ANKRD36C: variants seen among roughly 807,000 people sequenced by gnomAD.
ANKRD36C encodes the protein ankyrin repeat domain 36C.
A neutral mutation model predicts 276.4 loss-of-function variants in ANKRD36C; 61 were observed. The ratio of observed to expected loss-of-function variants is 0.22; its 90% CI spans 0.18 to 0.27. The LOEUF (loss-of-function observed/expected upper bound fraction) is 0.27. Ranked by LOEUF, ANKRD36C falls within the 10% of genes least tolerant of loss-of-function variation. ANKRD36C has a pLI of 1.00. For missense variants in ANKRD36C, 1,447 were observed against 2,032.3 expected, an observed-to-expected ratio of 0.71 and a Z score of 5.54; for synonymous variants, 483 against 680.1, an observed-to-expected ratio of 0.71 and a Z score of 4.51.
chr2:95,903,223 C>G (rs1676709257), intron 42 of ANKRD36C, 142 bp from the exon 53 acceptor site: 3 of 1,397,978 alleles, frequency 2.1e-6, no homozygotes, highest in African/African-American at 1.4e-5. Flanking sequence ...TGTCTGGGGA[C>G]TAGAACATGA....
At chr2:95,939,877 C>T (rs1212046533) in intron 20 of ANKRD36C, among the ~76,000 whole-genome samples, 1 of 152,226 alleles carries the variant, frequency 6.6e-6, no homozygotes, top group South Asian at 2.1e-4. Flanking sequence ...AACTTTAGTT[C>T]TCTTGCCATC....
intron 60 of ANKRD36C, among the ~76,000 whole-genome samples, chr2:95,860,321 TA>T (rs976290154): frequency 4.3e-3 from 580 of 133,666 alleles, no homozygotes; most frequent in Middle Eastern, 0.014. Flanking sequence ...ATAGGTCCTG[TA>T]AAAAAAAAAA....
Position 95,910,634 on chromosome 2 carries a change from G to A in ANKRD36C, c.2653+1610C>T, listed in dbSNP as rs1305098408. On this transcript the variant is annotated intron_variant, in intron 42 of 66. Coordinates refer to ENST00000456556, the Ensembl canonical transcript of ANKRD36C. Reference sequence around the variant, plus strand: ...ATGACAAAGATATCCATACATTCATGCAGCGTTAGCATCAAACTCTGTCCT... The same window carrying A: ...ATGACAAAGATATCCATACATTCATACAGCGTTAGCATCAAACTCTGTCCT... 6 of 1,597,562 alleles carry A rather than the reference G, an allele frequency of 3.8e-6. No homozygotes were observed. In the African/African-American group the frequency reaches 6.7e-5, roughly 18 times the overall value.
intron 59 of ANKRD36C, among the ~76,000 whole-genome samples, chr2:95,874,292 C>G (rs1410986916): frequency 2.6e-5 from 4 of 152,186 alleles, no homozygotes; most frequent in Non-Finnish European, 5.9e-5. Flanking sequence ...TACAAGGCTA[C>G]AGTAACCAAA....
exon 28 of ANKRD36C, chr2:95,927,220 C>G: frequency 1.2e-6 from 2 of 1,610,046 alleles, no homozygotes; most frequent in Non-Finnish European, 1.7e-6. Context: ...TTACCTGTCC[C>G]AGATTGTTGT....
At chr2:95,959,834 T>C (rs1239780506) in intron 10 of ANKRD36C, among the ~76,000 whole-genome samples, 2 of 152,112 alleles carry the variant, frequency 1.3e-5, no homozygotes, top group Admixed American at 6.6e-5. Context: ...GTGACTGTGG[T>C]TCATCACAAT....
intron 42 of ANKRD36C, among the ~76,000 whole-genome samples, chr2:95,911,312 G>T (rs1292422851): frequency 6.6e-6 from 1 of 151,368 alleles, no homozygotes; most frequent in Non-Finnish European, 1.5e-5. Context: ...AATGCTACAA[G>T]CATTAGATAT....
chr2:95,912,011 G>C (rs1315869923), intron 42 of ANKRD36C, among the ~76,000 whole-genome samples: 1 of 151,398 alleles, frequency 6.6e-6, no homozygotes. Context: ...GTCTTCAACT[G>C]CTCTCCATAT....
chr2:95,895,895 A>G (rs1464443433), intron 44 of ANKRD36C, among the ~76,000 whole-genome samples: 1 of 150,964 alleles, frequency 6.6e-6, no homozygotes, highest in Non-Finnish European at 1.5e-5. Flanking sequence ...TGTGATCTGA[A>G]AACAGAGGAG....
intron 15 of ANKRD36C, among the ~76,000 whole-genome samples, 179 bp downstream of exon 15, chr2:95,951,169 A>T (rs1280576725): frequency 1.3e-5 from 2 of 152,306 alleles, no homozygotes; most frequent in Non-Finnish European, 1.5e-5. Flanking sequence ...GCTACTCGGG[A>T]GGCTGAGGCA....
intron 5 of ANKRD36C, among the ~76,000 whole-genome samples, chr2:95,979,603 G>A (rs1370210269): frequency 6.6e-6 from 1 of 151,998 alleles, no homozygotes; most frequent in Non-Finnish European, 1.5e-5. Context: ...TCTAAGGAAG[G>A]ATGGCATGGA....
intron 44 of ANKRD36C, 134 bp from the exon 61 acceptor site, chr2:95,895,724 T>A: frequency 5.5e-6 from 8 of 1,461,004 alleles, no homozygotes; most frequent in Non-Finnish European, 7.4e-6. Flanking sequence ...CTACTTTGTC[T>A]CAGGGGACCA....
At chr2:95,938,371 G>T (rs1677775495) in intron 22 of ANKRD36C, among the ~76,000 whole-genome samples, 1 of 152,298 alleles carries the variant, frequency 6.6e-6, no homozygotes, top group Non-Finnish European at 1.5e-5. Context: ...ACATACACAT[G>T]CAGAAACTCA....
intron 19 of ANKRD36C, among the ~76,000 whole-genome samples, chr2:95,943,085 G>A (rs1384049162): frequency 6.6e-6 from 1 of 152,306 alleles, no homozygotes; most frequent in Non-Finnish European, 1.5e-5. Flanking sequence ...AGGTAAGTCA[G>A]ACTAGCTCCA....
At chr2:95,964,877 C>T (rs1558659133) in intron 6 of ANKRD36C, among the ~76,000 whole-genome samples, 1 of 151,928 alleles carries the variant, frequency 6.6e-6, no homozygotes, top group African/African-American at 2.4e-5. Context: ...TGTTTAACTA[C>T]ACATAAAACC....
chr2:95,985,651 C>A (rs1679011823), intron 3 of ANKRD36C, among the ~76,000 whole-genome samples: 1 of 152,158 alleles, frequency 6.6e-6, no homozygotes, highest in Non-Finnish European at 1.5e-5. Context: ...TACTGCCATG[C>A]ACAATTCTAA....
intron 42 of ANKRD36C, among the ~76,000 whole-genome samples, chr2:95,908,015 T>C (rs1487013798): frequency 6.6e-6 from 1 of 150,690 alleles, no homozygotes; most frequent in African/African-American, 2.4e-5. Context: ...ATAAATGACT[T>C]CCTCTTTTCA....
chr2:95,903,163 C>A, intron 42 of ANKRD36C, 82 bp from the exon 53 acceptor site: 5 of 1,521,918 alleles, frequency 3.3e-6, no homozygotes, highest in Non-Finnish European at 4.4e-6. Context: ...TTAGCATCAA[C>A]CTCTGTCCTC....
At chr2:95,934,153 T>C (rs553139600) in intron 24 of ANKRD36C, among the ~76,000 whole-genome samples, 132 of 152,234 alleles carry the variant, frequency 8.7e-4, no homozygotes, top group African/African-American at 3.1e-3. Context: ...ATATTGTTGG[T>C]GGGAGTGTCA....
Sources: gnomAD v4.1 joint callset for allele counts (sites outside exome capture counted in the v4.1 genomes callset) on GRCh38, gnomAD v4.1.1 for gene constraint, MANE v1.5 for transcripts, NCBI Gene and HGNC (gene_info 2026-07-23, HGNC 2026-07-21) for gene names.